The following DENND1B variants were observed in gnomAD, a reference collection of about 807,000 sequenced individuals.
DENND1B encodes DENN domain containing 1B.
A neutral mutation model predicts 90.1 loss-of-function variants in DENND1B; 59 were observed. The observed-to-expected ratio is 0.65, with a 90% CI of 0.53 to 0.81. The LOEUF is 0.81. Among genes scored for constraint, DENND1B ranks in the 40% least tolerant of loss-of-function variants. The pLI is 0.00. For missense variants in DENND1B, 862 were observed against 912.6 expected, an observed-to-expected ratio of 0.94 and a Z score of 0.71; for synonymous variants, 337 against 324.6, an observed-to-expected ratio of 1.04 and a Z score of -0.41.
At chr1:197,519,029 T>A (rs1309653558) in intron 20 of DENND1B, among the ~76,000 whole-genome samples, 1 of 151,956 alleles carries the variant, frequency 6.6e-6, no homozygotes, top group African/African-American at 2.4e-5. Flanking sequence ...AGACTGACGG[T>A]AATGCAAATG....
At chr1:197,635,251 A>C (rs1270621509) in intron 10 of DENND1B, among the ~76,000 whole-genome samples, 2 of 152,198 alleles carry the variant, frequency 1.3e-5, no homozygotes, top group Non-Finnish European at 2.9e-5. Flanking sequence ...TATTTTAAAA[A>C]CTTTTCTGAC....
In DENND1B at chr1:197,674,166, T is replaced by G; in HGVS notation, c.130A>C (p.Ile44Leu). Residue 44 changes from isoleucine (I) to leucine (L), a missense_variant, in exon 4 of 23, where the codon ATA becomes CTA. Coordinates refer to ENST00000620048, the MANE Select transcript of DENND1B (RefSeq NM_001195215.2). ...KFPEDFGDQE[I>L]LQSVPKFCFP... ...CAGAACTTTGGCACACTCTGTAGTA[T>G]TTCCTACAAATGGAAATTTCAAAAA... The G allele has an allele frequency of 6.3e-7, 1 of 1,598,102 alleles. No individual in the cohort carries two copies. Among genetic ancestry groups the G allele is most frequent in the Non-Finnish European group, 8.5e-7 (1 of 1,171,008 alleles).
chr1:197,537,722 CAG>C (rs1424415663), intron 20 of DENND1B, among the ~76,000 whole-genome samples: 3 of 151,628 alleles, frequency 2.0e-5, no homozygotes, highest in African/African-American at 7.3e-5. Context: ...AAAACAAAAA[CAG>C]AAATCAGTAA....
intron 3 of DENND1B, among the ~76,000 whole-genome samples, chr1:197,706,180 T>G (rs1226681105): frequency 2.0e-5 from 3 of 152,244 alleles, no homozygotes; most frequent in Non-Finnish European, 4.4e-5. Context: ...TTGTGTATTC[T>G]GAATTTAACA....
At chr1:197,670,558 A>T (rs1295605993) in intron 5 of DENND1B, among the ~76,000 whole-genome samples, 1 of 151,288 alleles carries the variant, frequency 6.6e-6, no homozygotes, top group African/African-American at 2.4e-5. Flanking sequence ...TTATGAATCT[A>T]GGTAATGTTT....
In DENND1B at chr1:197,775,387, G is replaced by A. The variant is rs12754906; in HGVS notation, c.-232C>T. 6.1e-6 allele frequency: 2 copies of A among 328,528 alleles called. No individual in the cohort carries two copies. Among genetic ancestry groups the A allele is most frequent in the Non-Finnish European group, 1.1e-5 (2 of 181,602 alleles). The allele number at this position is 328,528 out of a possible 1,614,324, so 20.4% of individuals were successfully genotyped here. ...CTGTGACAGCAGCGGTGGCGTGGCC[G>A]CCGCCCCCGTCTCCGCCGGTAGCCG... On this transcript the variant is annotated 5_prime_UTR_variant, in exon 1 of 23. Transcript: ENST00000620048.
intron 2 of DENND1B, among the ~76,000 whole-genome samples, chr1:197,755,551 A>C (rs1170978540): frequency 1.3e-5 from 2 of 152,210 alleles, no homozygotes; most frequent in African/African-American, 4.8e-5. Flanking sequence ...GACAATAAGG[A>C]AATAAAATGA....
chr1:197,706,255 C>T lies in DENND1B; in HGVS notation c.126+8776G>A, dbSNP rs558880138. ...GAAAGGAACCTGCTCATCAGGCATCCAGCAAAAAGTACTTATTTCTATCAA... is the reference window on the plus strand; with the variant it reads ...GAAAGGAACCTGCTCATCAGGCATCTAGCAAAAAGTACTTATTTCTATCAA... On this transcript the variant is annotated intron_variant, in intron 3 of 22. Transcript: ENST00000620048. 8.5e-5 allele frequency among the ~76,000 whole-genome samples: 13 copies of T among 152,198 alleles called. No individual in the cohort carries two copies. In the South Asian group the frequency reaches 2.5e-3, roughly 29 times the overall value.
chr1:197,625,823 G>A (rs1225525847), intron 10 of DENND1B, among the ~76,000 whole-genome samples: 3 of 152,038 alleles, frequency 2.0e-5, no homozygotes, highest in African/African-American at 7.2e-5. Flanking sequence ...AAGGATGGAG[G>A]AAGATCTACC....
chr1:197,616,143 A>G (rs1449018116), intron 11 of DENND1B, among the ~76,000 whole-genome samples: 1 of 151,034 alleles, frequency 6.6e-6, no homozygotes, highest in Non-Finnish European at 1.5e-5. Flanking sequence ...GATGGCACTA[A>G]CATCATATAT....
chr1:197,693,894 A>C (rs1166626251), intron 3 of DENND1B, among the ~76,000 whole-genome samples: 1 of 151,564 alleles, frequency 6.6e-6, no homozygotes, highest in Non-Finnish European at 1.5e-5. Flanking sequence ...TAACAAGATA[A>C]CAAAAGATCG....
At chr1:197,676,788 C>T (rs1656121998) in intron 3 of DENND1B, among the ~76,000 whole-genome samples, 1 of 151,968 alleles carries the variant, frequency 6.6e-6, no homozygotes, top group Non-Finnish European at 1.5e-5. Context: ...TGACTGGAAA[C>T]AAGGACTGAT....
intron 2 of DENND1B, among the ~76,000 whole-genome samples, chr1:197,717,996 T>G (rs933441986): frequency 1.3e-5 from 2 of 152,054 alleles, no homozygotes; most frequent in Non-Finnish European, 2.9e-5. Flanking sequence ...AGTATTTTTC[T>G]TGATTACGGG....
At chr1:197,600,392 A>C (rs1676095203) in intron 13 of DENND1B, among the ~76,000 whole-genome samples, 1 of 151,784 alleles carries the variant, frequency 6.6e-6, no homozygotes, top group East Asian at 2.0e-4. Context: ...GGTTCAGACA[A>C]ACGGAATGTG....
At chr1:197,569,196 A>T (rs1341190591) in intron 15 of DENND1B, among the ~76,000 whole-genome samples, 3 of 152,180 alleles carry the variant, frequency 2.0e-5, no homozygotes, top group Admixed American at 2.0e-4. Context: ...ACTAATCATC[A>T]GAGAAATGCA....
chr1:197,552,014 A>G (rs530490844), intron 16 of DENND1B, among the ~76,000 whole-genome samples: 1 of 152,226 alleles, frequency 6.6e-6, no homozygotes, highest in Non-Finnish European at 1.5e-5. Context: ...TCCTTTAATG[A>G]ACCAATTATC....
chr1:197,619,547 C>CT (rs1201599627), intron 10 of DENND1B, among the ~76,000 whole-genome samples: 5 of 151,012 alleles, frequency 3.3e-5, no homozygotes, highest in East Asian at 1.9e-4. Context: ...AGAGAGTGTT[C>CT]TTTTTTTGTT....
In DENND1B at chr1:197,647,068, G is replaced by A; in HGVS notation, c.494C>T (p.Pro165Leu). 6.8e-7 allele frequency: 1 copy of A among 1,465,568 alleles called. No individual in the cohort carries two copies. The highest frequency in any genetic ancestry group is 1.5e-5 in the South Asian group (1 of 68,224). The allele number at this position is 1,465,568 out of a possible 1,614,324, so 90.8% of individuals were successfully genotyped here. A position where few individuals can be genotyped will look rare whatever the true frequency, so the allele number is the denominator to read the frequency against. The change falls in exon 8 of 23, where the codon CCT (proline) becomes CTT (leucine). Residue 165 changes from proline to leucine, a missense_variant. By Grantham distance (98) the Pro-to-Leu change is moderately conservative. Coordinates refer to ENST00000620048, the MANE Select transcript of DENND1B (RefSeq NM_001195215.2). The stretch of plus-strand genomic sequence containing the variant: ...CTTTTAACTCACCGGTACTAGAGCA[G>A]GCTGATCTTTCAGAACTTGCTCACA... ...IACEQVLKDQ[P>L]ALVPHSYFIA...
intron 15 of DENND1B, among the ~76,000 whole-genome samples, chr1:197,570,527 A>T (rs533500220): frequency 5.3e-5 from 8 of 152,298 alleles, no homozygotes; most frequent in African/African-American, 1.9e-4. Context: ...AAAATTACAT[A>T]AACATTTGAT....
Sources: allele counts gnomAD v4.1 joint callset (sites outside exome capture counted in the v4.1 genomes callset), GRCh38; gene constraint gnomAD v4.1.1; transcripts MANE v1.5; gene names NCBI Gene and HGNC (gene_info 2026-07-23, HGNC 2026-07-21).